Variants in NBEAL1 observed in about 807,000 individuals in gnomAD.
The protein encoded by NBEAL1 is neurobeachin like 1.
In NBEAL1, 273 loss-of-function variants were observed where a neutral mutation model predicts 351.3. The ratio of observed to expected loss-of-function variants is 0.78; its 90% CI spans 0.70 to 0.86. The LOEUF (loss-of-function observed/expected upper bound fraction) is 0.86, where lower values mean the gene tolerates loss of function less well. NBEAL1 is among the 40% of genes least tolerant of loss of function. The probability of loss-of-function intolerance (pLI) is 0.00; values close to 1 mark genes in which losing one functional copy is unlikely to be tolerated. For missense variants in NBEAL1, 2,961 were observed against 3,201.3 expected, an observed-to-expected ratio of 0.92 and a Z score of 1.81; for synonymous variants, 1,050 against 1,086.4, an observed-to-expected ratio of 0.97 and a Z score of 0.66.
In NBEAL1 at chr2:203,223,704, A is replaced by T. The variant is rs2065979487; in HGVS notation, c.*6350A>T. Among the ~76,000 whole-genome samples the T allele has an allele frequency of 6.6e-6, 1 of 152,092 alleles. No individual in the cohort carries two copies. The highest frequency in any genetic ancestry group is 2.1e-4 in the South Asian group (1 of 4,836). On this transcript the variant is annotated 3_prime_UTR_variant, in exon 56 of 56. Coordinates refer to ENST00000683969, the MANE Select transcript of NBEAL1 (RefSeq NM_001378026.1). ...GTATTAAAACTAGCAATTCTGTGGT[A>T]ATCAGTGTACTAGTCAACATTAAAA... is the stretch of plus-strand genomic sequence containing the variant.
At chr2:203,093,256 A>C (rs2062105660) in intron 10 of NBEAL1, among the ~76,000 whole-genome samples, 1 of 122,400 alleles carries the variant, frequency 8.2e-6, no homozygotes, top group African/African-American at 3.2e-5. Flanking sequence ...AAAAAAAAAA[A>C]AAGAATCTGC....
At chr2:203,190,057 A>G (rs2105773314) in intron 45 of NBEAL1, among the ~76,000 whole-genome samples, 1 of 151,756 alleles carries the variant, frequency 6.6e-6, no homozygotes, top group East Asian at 2.0e-4. Flanking sequence ...AATTGTTTGA[A>G]CCCAGGAGGT....
intron 2 of NBEAL1, among the ~76,000 whole-genome samples, chr2:203,017,191 AC>A (rs1244072303): frequency 6.6e-6 from 1 of 152,236 alleles, no homozygotes; most frequent in Non-Finnish European, 1.5e-5. Flanking sequence ...GTGAGGAGGT[AC>A]ATTATTACTT....
rs1281600200 is a variant in NBEAL1, at chr2:203,138,276, G to C, written c.4680G>C (p.Gln1560His). 6.2e-7 allele frequency: 1 copy of C among 1,613,864 alleles called. No individual in the cohort carries two copies. Among genetic ancestry groups the C allele is most frequent in the Non-Finnish European group, 8.5e-7 (1 of 1,179,972 alleles). Residue 1560 changes from glutamine to histidine, a missense_variant, in exon 30 of 56, where the codon CAG (glutamine) becomes CAC (histidine). Coordinates refer to ENST00000683969, the MANE Select transcript of NBEAL1 (RefSeq NM_001378026.1). ...RLVLIIQDFL[Q>H]SEGLVNSNMW... is the part of the protein sequence containing the mutation. Reference sequence around the variant, plus strand: ...TGCTGATCATACAGGACTTTCTTCAGTCAGAGGGACTAGTTAATTCAAACA... The same window carrying C: ...TGCTGATCATACAGGACTTTCTTCACTCAGAGGGACTAGTTAATTCAAACA...
intron 46 of NBEAL1, chr2:203,191,333 A>G (rs935473176): frequency 2.9e-5 from 3 of 103,750 alleles, no homozygotes; most frequent in Non-Finnish European, 6.3e-5. Context: ...AAAAAAAAAA[A>G]AAGAATCAAA....
intron 6 of NBEAL1, among the ~76,000 whole-genome samples, chr2:203,060,795 C>T (rs2106105625): frequency 6.6e-6 from 1 of 152,306 alleles, no homozygotes; most frequent in Admixed American, 6.5e-5. Context: ...AATTTACCAA[C>T]ATTTATAGAA....
Position 203,113,068 on chromosome 2 carries a change from A to G in NBEAL1, c.2256A>G (p.Pro752=). ...CTGGGCAAAGAACCACCACTCCTCC[A>G]CCATCCCAAATCCCAGATCCACCTT... The part of the protein sequence containing the change: ...GSAGQRTTTP[P]PSQIPDPPFS... The change falls in exon 17 of 56, where the codon CCA becomes CCG. Residue 752 remains proline, a synonymous_variant. Transcript: ENST00000683969. The G allele has an allele frequency of 1.3e-6, 2 of 1,546,528 alleles. No individual in the cohort carries two copies. The highest frequency in any genetic ancestry group is 2.4e-5 in the South Asian group (2 of 82,944).
intron 34 of NBEAL1, among the ~76,000 whole-genome samples, 198 bp downstream of exon 34, chr2:203,149,346 A>T (rs1202523013): frequency 6.6e-6 from 1 of 151,880 alleles, no homozygotes; most frequent in Non-Finnish European, 1.5e-5. Flanking sequence ...TCATACAGTT[A>T]TTTGCCTTCC....
chr2:203,084,537 GAACATCTC>G lies in NBEAL1; in HGVS notation c.1068_1075del (p.Glu356AspfsTer14). On this transcript the variant is annotated frameshift_variant, in exon 10 of 56. Coordinates refer to ENST00000683969, the MANE Select transcript of NBEAL1 (RefSeq NM_001378026.1). LOFTEE classifies it high-confidence loss of function. ...CATTTTTCTTAACAGCAATTGCTTT[GAACATCTC>G]ATACGACTGCTACAGAACTGCAAGG... The G allele has an allele frequency of 6.5e-7, 1 of 1,542,692 alleles. No homozygotes were observed. The highest frequency in any genetic ancestry group is 8.8e-7 in the Non-Finnish European group (1 of 1,142,194).
Position 203,125,979 on chromosome 2 carries a change from C to G in NBEAL1, c.2871C>G (p.Asn957Lys), listed in dbSNP as rs1385222338. The G allele has an allele frequency of 1.3e-6, 2 of 1,534,926 alleles. No homozygotes were observed. The highest frequency in any genetic ancestry group is 2.8e-5 in the African/African-American group (2 of 72,170). The change falls in exon 21 of 56, where the codon AAC becomes AAG. Residue 957 changes from asparagine (N) to lysine (K), a missense_variant. Transcript: ENST00000683969. ...CTACAGAGTCAAGACTAGAGAGAAA[C>G]CTAGTTGCAACATTTATCTTAATTG... ...TKASESRLER[N>K]LVATFILIVK...
chr2:203,170,776 A>T (rs2064294313), intron 39 of NBEAL1, among the ~76,000 whole-genome samples: 2 of 152,322 alleles, frequency 1.3e-5, no homozygotes, highest in South Asian at 2.1e-4. Context: ...AATAAACTTT[A>T]TTCTTTAAGT....
chr2:203,033,280 G>A (rs1038663409), intron 2 of NBEAL1, among the ~76,000 whole-genome samples: 1 of 152,322 alleles, frequency 6.6e-6, no homozygotes, highest in East Asian at 1.9e-4. Context: ...AATTACAGGC[G>A]TGAGCCACCG....
At chr2:203,167,191 A>G (rs373642011) in intron 37 of NBEAL1, 36 bp from the exon 38 acceptor site, 8 of 1,578,618 alleles carry the variant, frequency 5.1e-6, no homozygotes, top group Non-Finnish European at 6.9e-6. Flanking sequence ...GTAACTTTAT[A>G]TGGTATCTCA....
At position 203,217,299 on chromosome 2, in the gene NBEAL1, G is replaced by A. The variant is rs369951181; in HGVS notation, c.8117G>A (p.Arg2706Gln). ...LSRKFWGSSK[R>Q]LSQISAGETE... Reference sequence around the variant, plus strand: ...CGAAAATTTTGGGGATCGAGCAAGCGGCTCAGCCAGATTTCAGCTGGAGAA... The same window carrying A: ...CGAAAATTTTGGGGATCGAGCAAGCAGCTCAGCCAGATTTCAGCTGGAGAA... Residue 2706 changes from arginine to glutamine, a missense_variant, in exon 56 of 56, where the codon CGG becomes CAG. By Grantham distance (43) the Arg-to-Gln change is conservative. Coordinates refer to ENST00000683969, the MANE Select transcript of NBEAL1 (RefSeq NM_001378026.1). 24 of 1,600,728 alleles carry A rather than the reference G, an allele frequency of 1.5e-5. No individual in the cohort carries two copies. The African/African-American group carries it at 2.5e-4, about 17-fold the overall frequency.
intron 25 of NBEAL1, 133 bp from the exon 26 acceptor site, chr2:203,131,836 ATACT>A (rs1483497902): frequency 5.3e-6 from 3 of 561,874 alleles, no homozygotes; most frequent in East Asian, 6.5e-5. Context: ...GTTAATAGCA[ATACT>A]TACTAACATT....
rs762418074 is a variant in NBEAL1 at position 203,211,059 on chromosome 2, T to G, written c.7887T>G (p.Ile2629Met). 1.9e-6 allele frequency: 3 copies of G among 1,607,176 alleles called. No individual in the cohort carries two copies. Among genetic ancestry groups the G allele is most frequent in the African/African-American group, 1.3e-5 (1 of 74,736 alleles). ...VSDICIIGEH[I>M]VTGSIQGFLS... is the part of the protein sequence containing the mutation. ...ATATATGTATAATCGGAGAACACAT[T>G]GTCACAGGCAGCATACAAGGATTCC... Residue 2629 changes from isoleucine (I) to methionine (M), a missense_variant, in exon 54 of 56, where the codon ATT (isoleucine) becomes ATG (methionine). Coordinates refer to ENST00000683969, the MANE Select transcript of NBEAL1 (RefSeq NM_001378026.1).
chr2:203,083,621 T>C, intron 9 of NBEAL1, 96 bp downstream of exon 9: 1 of 970,452 alleles, frequency 1.0e-6, no homozygotes, highest in Non-Finnish European at 1.5e-6. Flanking sequence ...ATGGAAAGTA[T>C]TGATTGTTTA....
chr2:203,101,159 C>T (rs1378669913), intron 12 of NBEAL1, among the ~76,000 whole-genome samples: 1 of 151,896 alleles, frequency 6.6e-6, no homozygotes, highest in African/African-American at 2.4e-5. Context: ...AAGTCTAATC[C>T]ATCTTGAGTT....
Position 203,166,398 on chromosome 2 carries a change from T to C in NBEAL1, c.5863+101T>C, listed in dbSNP as rs1264105478. On this transcript the variant is annotated intron_variant, in intron 37 of 55. Coordinates refer to ENST00000683969, the MANE Select transcript of NBEAL1 (RefSeq NM_001378026.1). ...AGAAAGCAGTAAGATATAACTATCA[T>C]GTGAAGGGAGAAATGGAAAGTCAGT... 3.6e-6 allele frequency: 4 copies of C among 1,109,656 alleles called. No individual in the cohort carries two copies. The Admixed American group carries it at 9.4e-5, about 26-fold the overall frequency. The allele number at this position is 1,109,656 out of a possible 1,614,324, so 68.7% of individuals were successfully genotyped here.
Sources: allele counts gnomAD v4.1 joint callset (sites outside exome capture counted in the v4.1 genomes callset), GRCh38; gene constraint gnomAD v4.1.1; transcripts MANE v1.5; gene names NCBI Gene and HGNC (gene_info 2026-07-23, HGNC 2026-07-21).